Variants in PRR16 observed in about 807,000 individuals in gnomAD.
PRR16 encodes the protein protein Largen.
Under a neutral mutation model 18.2 loss-of-function variants are expected in PRR16, and 6 were observed. That is an observed-to-expected ratio of 0.33 (90% CI 0.18 to 0.65). The LOEUF (loss-of-function observed/expected upper bound fraction) is 0.65. PRR16 is among the 30% of genes least tolerant of loss of function. PRR16 has a pLI of 0.74. For synonymous variants in PRR16, 151 were observed against 147.8 expected (o/e 1.02, Z -0.16); for missense variants, 412 against 376.6 (o/e 1.09, Z -0.78).
intron 1 of PRR16, among the ~76,000 whole-genome samples, chr5:120,559,249 G>A (rs190779478): frequency 2.6e-5 from 4 of 151,890 alleles, no homozygotes; most frequent in East Asian, 1.9e-4. Flanking sequence ...AGAGTTCCCC[G>A]AATATTTTTT....
chr5:120,466,419 C>G (rs965190007), intron 1 of PRR16, among the ~76,000 whole-genome samples: 11 of 152,142 alleles, frequency 7.2e-5, no homozygotes, highest in Non-Finnish European at 1.5e-4. Context: ...TTTCATGAGG[C>G]TGAGACTAAA....
intron 1 of PRR16, among the ~76,000 whole-genome samples, chr5:120,581,583 C>T (rs369718613): frequency 1.6e-4 from 24 of 152,106 alleles, no homozygotes; most frequent in East Asian, 1.4e-3. Flanking sequence ...TTTGCTCTTG[C>T]CTCTCTGGCT....
At chr5:120,741,222 C>T in the PRR16 span, among the ~76,000 whole-genome samples, 1 of 151,952 alleles carries the variant, frequency 6.6e-6, no homozygotes, top group Non-Finnish European at 1.5e-5. Flanking sequence ...TAATAATTTA[C>T]ATGTAAATTC....
At chr5:120,562,899 A>T (rs1382689145) in intron 1 of PRR16, among the ~76,000 whole-genome samples, 1 of 152,060 alleles carries the variant, frequency 6.6e-6, no homozygotes, top group Non-Finnish European at 1.5e-5. Flanking sequence ...TTTCTATTTA[A>T]GAGTAGGTTG....
chr5:120,762,424 G>GTGAT, the PRR16 span, among the ~76,000 whole-genome samples: 521 of 152,168 alleles, frequency 3.4e-3, 2 homozygotes, highest in South Asian at 8.7e-3. Flanking sequence ...ATATATTATT[G>GTGAT]TGATTGTTGT....
intron 1 of PRR16, among the ~76,000 whole-genome samples, chr5:120,473,805 T>A (rs1749349734): frequency 1.3e-5 from 2 of 152,118 alleles, no homozygotes; most frequent in Non-Finnish European, 2.9e-5. Flanking sequence ...CTAGTTTACA[T>A]CAAATATTAG....
intron 1 of PRR16, among the ~76,000 whole-genome samples, chr5:120,488,380 G>A (rs929224117): frequency 1.3e-5 from 2 of 151,998 alleles, no homozygotes; most frequent in African/African-American, 4.8e-5. Context: ...GTCTTGGGAG[G>A]GTGTATGTGT....
intron 1 of PRR16, among the ~76,000 whole-genome samples, chr5:120,608,985 A>G (rs903926239): frequency 6.6e-6 from 1 of 152,162 alleles, no homozygotes; most frequent in Non-Finnish European, 1.5e-5. Flanking sequence ...AAGAAAATTA[A>G]TCCTTGAAAC....
At chr5:120,465,081 T>A (rs775848574) in intron 1 of PRR16, among the ~76,000 whole-genome samples, 2 of 152,084 alleles carry the variant, frequency 1.3e-5, no homozygotes, top group Non-Finnish European at 2.9e-5. Context: ...AAGTCAGGGC[T>A]GAAGAGGGGC....
the PRR16 span, among the ~76,000 whole-genome samples, chr5:120,736,150 C>T: frequency 3.4e-4 from 52 of 152,328 alleles, no homozygotes; most frequent in Non-Finnish European, 6.9e-4. Flanking sequence ...TAATTATGGG[C>T]TGTTGATTCT....
At chr5:120,559,696 A>G (rs187488328) in intron 1 of PRR16, among the ~76,000 whole-genome samples, 2 of 152,008 alleles carry the variant, frequency 1.3e-5, no homozygotes, top group Middle Eastern at 3.4e-3. Context: ...GAAGAATGTC[A>G]TTAGTATTCT....
At chr5:120,539,735 T>C (rs1751847906) in intron 1 of PRR16, among the ~76,000 whole-genome samples, 1 of 152,144 alleles carries the variant, frequency 6.6e-6, no homozygotes, top group Admixed American at 6.5e-5. Flanking sequence ...GCATTTTGAG[T>C]CATGAGATTC....
At chr5:120,506,968 A>G (rs1375195104) in intron 1 of PRR16, among the ~76,000 whole-genome samples, 1 of 152,130 alleles carries the variant, frequency 6.6e-6, no homozygotes, top group African/African-American at 2.4e-5. Context: ...CAATAGAAGA[A>G]GGCAAGGCAA....
At chr5:120,650,959 T>G (rs1458093224) in intron 1 of PRR16, among the ~76,000 whole-genome samples, 1 of 152,138 alleles carries the variant, frequency 6.6e-6, no homozygotes, top group African/African-American at 2.4e-5. Flanking sequence ...GTAAAAGTGT[T>G]CCTATTTCTC....
rs776912984 is a variant in PRR16, at chr5:120,464,449, G to C, written c.-38G>C. ...CGGGGGCACGCAGCAGCCTCCGCTC[G>C]CCCGCCTGTCCTGACCTGCCTCGCT... On this transcript the variant is annotated 5_prime_UTR_variant, in exon 1 of 2. Transcript: ENST00000407149. The C allele has an allele frequency of 1.9e-5, 29 of 1,532,180 alleles. No homozygotes were observed. The highest frequency in any genetic ancestry group is 2.4e-5 in the Non-Finnish European group (27 of 1,143,672). The allele number at this position is 1,532,180 out of a possible 1,614,324, so 94.9% of individuals were successfully genotyped here. A position where few individuals can be genotyped will look rare whatever the true frequency, so the allele number is the denominator to read the frequency against.
At chr5:120,725,492 G>A in the PRR16 span, among the ~76,000 whole-genome samples, 200 of 151,600 alleles carry the variant, frequency 1.3e-3, 1 homozygote, top group African/African-American at 4.5e-3. Context: ...CTCCATCTCC[G>A]CACAAAATTA....
chr5:120,644,376 A>C (rs2150127038), intron 1 of PRR16, among the ~76,000 whole-genome samples: 1 of 152,222 alleles, frequency 6.6e-6, no homozygotes, highest in African/African-American at 2.4e-5. Context: ...AAGTATGTTA[A>C]GAATCTTGGA....
At chr5:120,773,172 A>G in the PRR16 span, among the ~76,000 whole-genome samples, 1 of 152,122 alleles carries the variant, frequency 6.6e-6, no homozygotes, top group Non-Finnish European at 1.5e-5. Context: ...AGTGTCAGTT[A>G]AAATTTTTAT....
the PRR16 span, among the ~76,000 whole-genome samples, chr5:120,739,086 A>T: frequency 3.3e-5 from 5 of 152,300 alleles, 1 homozygote; most frequent in East Asian, 9.6e-4. Context: ...AAATAGAGAT[A>T]AGCAGTAGCA....
Sources: gnomAD v4.1 joint callset for allele counts (sites outside exome capture counted in the v4.1 genomes callset) on GRCh38, gnomAD v4.1.1 for gene constraint, MANE v1.5 for transcripts, NCBI Gene and HGNC (gene_info 2026-07-23, HGNC 2026-07-21) for gene names.